The following MCU variants were observed in gnomAD, a reference collection of about 807,000 sequenced individuals.
The protein encoded by MCU is mitochondrial calcium uniporter.
Under a neutral mutation model 45.2 loss-of-function variants are expected in MCU, and 12 were observed. That is an observed-to-expected ratio of 0.27 (90% CI 0.17 to 0.43). MCU has a LOEUF of 0.43. Ranked by LOEUF, MCU falls within the 20% of genes least tolerant of loss-of-function variation. The pLI is 1.00. For missense variants in MCU, 324 were observed against 436.7 expected, an observed-to-expected ratio of 0.74 and a Z score of 2.30; for synonymous variants, 160 against 165.1, an observed-to-expected ratio of 0.97 and a Z score of 0.24.
intron 1 of MCU, among the ~76,000 whole-genome samples, chr10:72,761,106 G>T (rs146712307): frequency 6.6e-5 from 10 of 152,114 alleles, no homozygotes; most frequent in African/African-American, 2.4e-4. Flanking sequence ...TCATTTTATG[G>T]ATGAGAAAAC....
intron 2 of MCU, among the ~76,000 whole-genome samples, chr10:72,841,309 A>AT (rs984881332): frequency 6.6e-5 from 10 of 150,582 alleles, no homozygotes; most frequent in South Asian, 2.1e-4. Flanking sequence ...GAAAAAAAAA[A>AT]TTTTTTTTTT....
At chr10:72,697,144 T>C (rs1343409263) in intron 1 of MCU, among the ~76,000 whole-genome samples, 4 of 152,124 alleles carry the variant, frequency 2.6e-5, no homozygotes, top group Non-Finnish European at 5.9e-5. Context: ...TTAGATGGAG[T>C]GTTGCTCTGT....
At chr10:72,831,759 A>G (rs966107718) in intron 1 of MCU, among the ~76,000 whole-genome samples, 1 of 152,206 alleles carries the variant, frequency 6.6e-6, no homozygotes, top group Admixed American at 6.5e-5. Context: ...TGAGGGAGCC[A>G]TGTAGTTATC....
rs1845496802 is a variant in MCU, at chr10:72,868,749, A to G, written c.543A>G (p.Thr181=). The change falls in exon 5 of 8, where the codon ACA becomes ACG. Residue 181 remains threonine, a synonymous_variant. Coordinates refer to ENST00000373053, the MANE Select transcript of MCU (RefSeq NM_138357.3). The part of the protein sequence containing the change: ...ENAATLNDVK[T]LVQQLYTTLC... ...CAGCAACGCTGAATGATGTAAAGACATTGGTCCAGCAACTATACACCACAC... is the reference window on the plus strand; with the variant it reads ...CAGCAACGCTGAATGATGTAAAGACGTTGGTCCAGCAACTATACACCACAC... 1 of 1,614,154 alleles carries G rather than the reference A, an allele frequency of 6.2e-7. No homozygotes were observed. The highest frequency in any genetic ancestry group is 1.3e-5 in the African/African-American group (1 of 75,064).
chr10:72,701,392 C>G (rs1842757165), intron 1 of MCU, among the ~76,000 whole-genome samples: 1 of 152,170 alleles, frequency 6.6e-6, no homozygotes, highest in South Asian at 2.1e-4. Context: ...CTGAGTCTGG[C>G]TAGAGTGAGA....
At chr10:72,768,798 A>G (rs1843765028) in intron 1 of MCU, among the ~76,000 whole-genome samples, 1 of 152,074 alleles carries the variant, frequency 6.6e-6, no homozygotes, top group Admixed American at 6.5e-5. Context: ...TACAACTTTT[A>G]GACATTTAAA....
At chr10:72,794,276 A>G (rs867268306) in intron 1 of MCU, among the ~76,000 whole-genome samples, 9 of 152,188 alleles carry the variant, frequency 5.9e-5, no homozygotes, top group Non-Finnish European at 4.4e-5. Flanking sequence ...TGGGAAAAAC[A>G]TAGGATCACC....
intron 6 of MCU, among the ~76,000 whole-genome samples, chr10:72,878,703 T>C (rs79362412): frequency 0.015 from 2,214 of 152,072 alleles, 49 homozygotes; most frequent in African/African-American, 0.05. Flanking sequence ...AAGACAGAAA[T>C]AGTGACCTTG....
intron 1 of MCU, among the ~76,000 whole-genome samples, chr10:72,724,853 C>A (rs1843075012): frequency 6.6e-6 from 1 of 152,172 alleles, no homozygotes; most frequent in Admixed American, 6.5e-5. Flanking sequence ...AGATGCCAGC[C>A]TTTTCCCCAG....
intron 1 of MCU, among the ~76,000 whole-genome samples, chr10:72,797,233 T>C (rs959603173): frequency 4.2e-5 from 6 of 144,370 alleles, no homozygotes; most frequent in Non-Finnish European, 5.9e-5. Context: ...TTTATTTTAT[T>C]TTTTTTTTAA....
intron 1 of MCU, chr10:72,730,515 CT>C (rs567365109): frequency 9.4e-4 from 143 of 152,140 alleles, no homozygotes; most frequent in African/African-American, 3.4e-3. Context: ...TCTCGAACTC[CT>C]GACCTCAGGT....
intron 1 of MCU, among the ~76,000 whole-genome samples, chr10:72,755,161 T>A (rs1396638438): frequency 1.3e-5 from 2 of 151,078 alleles, no homozygotes; most frequent in Non-Finnish European, 3.0e-5. Flanking sequence ...TTTTTTTTTT[T>A]TTTTTGAGGC....
chr10:72,752,770 G>T lies in MCU; in HGVS notation c.150+60469G>T, dbSNP rs568225043. Among the ~76,000 whole-genome samples, 8 of 152,290 alleles carry T rather than the reference G, an allele frequency of 5.3e-5. No homozygotes were observed. The South Asian group carries it at 1.7e-3, about 32-fold the overall frequency. On this transcript the variant is annotated intron_variant, in intron 1 of 7. Coordinates refer to ENST00000373053, the MANE Select transcript of MCU (RefSeq NM_138357.3). ...TTCTTATAGCAGAGCAATGGCTGCT[G>T]TGTGACTGTAAGTTTGGAATTTATG...
chr10:72,704,039 C>T (rs1842789316), intron 1 of MCU, among the ~76,000 whole-genome samples: 1 of 151,958 alleles, frequency 6.6e-6, no homozygotes, highest in African/African-American at 2.4e-5. Context: ...CATCTTAAGC[C>T]ATAGTTTGAA....
At chr10:72,755,667 A>G (rs1843565112) in intron 1 of MCU, among the ~76,000 whole-genome samples, 2 of 152,198 alleles carry the variant, frequency 1.3e-5, no homozygotes, top group Admixed American at 6.5e-5. Context: ...ATGAGTTTGC[A>G]CTTGTAGCCT....
chr10:72,850,775 T>A (rs1564574288), intron 2 of MCU, among the ~76,000 whole-genome samples: 1 of 152,256 alleles, frequency 6.6e-6, no homozygotes, highest in Non-Finnish European at 1.5e-5. Context: ...TTTCTAGGCT[T>A]TTTTTGAAGC....
intron 1 of MCU, among the ~76,000 whole-genome samples, chr10:72,801,794 C>A (rs533016495): frequency 6.6e-6 from 1 of 151,574 alleles, no homozygotes; most frequent in East Asian, 1.9e-4. Flanking sequence ...GCCTCAGCCT[C>A]CCGGGTAACT....
At chr10:72,693,636 A>G (rs1042217396) in intron 1 of MCU, among the ~76,000 whole-genome samples, 5 of 152,204 alleles carry the variant, frequency 3.3e-5, no homozygotes, top group African/African-American at 1.2e-4. Flanking sequence ...AGTCATAGGT[A>G]TGGACCCTAT....
At position 72,735,980 on chromosome 10, in the gene MCU, A is replaced by G. The variant is rs117257238; in HGVS notation, c.150+43679A>G. The stretch of plus-strand genomic sequence containing the variant: ...TCTGTATTTAATTTTAGTTTCTACA[A>G]TGAGTATATATTGCTCTATTAAAAC... On this transcript the variant is annotated intron_variant, in intron 1 of 7. Coordinates refer to ENST00000373053, the MANE Select transcript of MCU (RefSeq NM_138357.3). 9.5e-4 allele frequency among the ~76,000 whole-genome samples: 144 copies of G among 152,348 alleles called. 1 individual carries two copies. In the East Asian group the frequency reaches 0.018, roughly 20 times the overall value.
Sources: allele counts gnomAD v4.1 joint callset (sites outside exome capture counted in the v4.1 genomes callset), GRCh38; gene constraint gnomAD v4.1.1; transcripts MANE v1.5; gene names NCBI Gene and HGNC (gene_info 2026-07-23, HGNC 2026-07-21).